Variants in RIMBP2 observed in about 807,000 individuals in gnomAD.
RIMBP2 encodes the protein RIMS binding protein 2.
In RIMBP2, 48 loss-of-function variants were observed where a neutral mutation model predicts 118.6. The ratio of observed to expected loss-of-function variants is 0.40; its 90% CI spans 0.32 to 0.51. The LOEUF is 0.51. Among genes scored for constraint, RIMBP2 ranks in the 20% least tolerant of loss-of-function variants. The pLI, the probability that RIMBP2 is intolerant of heterozygous loss-of-function variation, is 0.41. For synonymous variants in RIMBP2, 762 were observed against 742.9 expected, an observed-to-expected ratio of 1.03 and a Z score of -0.42; for missense variants, 1,551 against 1,768.3, an observed-to-expected ratio of 0.88 and a Z score of 2.20.
At chr12:130,632,313 G>A (rs984592275) in intron 1 of RIMBP2, among the ~76,000 whole-genome samples, 1 of 152,128 alleles carries the variant, frequency 6.6e-6, no homozygotes, top group African/African-American at 2.4e-5. Context: ...AAGGAATCAT[G>A]TTCTCTCAGA....
At chr12:130,426,579 C>T (rs1384297835) in intron 15 of RIMBP2, 1 of 152,188 alleles carries the variant, frequency 6.6e-6, no homozygotes, top group Non-Finnish European at 1.5e-5. Flanking sequence ...AGCCCAGCCT[C>T]CTACATGATT....
chr12:130,582,852 C>T (rs918637730), intron 2 of RIMBP2, among the ~76,000 whole-genome samples: 9 of 152,158 alleles, frequency 5.9e-5, no homozygotes, highest in African/African-American at 2.2e-4. Flanking sequence ...CATTCCAACG[C>T]CCTTAACACT....
At chr12:130,653,347 G>A (rs927726311) in intron 1 of RIMBP2, among the ~76,000 whole-genome samples, 3 of 152,238 alleles carry the variant, frequency 2.0e-5, no homozygotes, top group Admixed American at 2.0e-4. Context: ...AAACATAGCA[G>A]GGCAGTCATT....
chr12:130,514,875 T>A (rs1188431219), intron 3 of RIMBP2, among the ~76,000 whole-genome samples: 1 of 148,496 alleles, frequency 6.7e-6, no homozygotes, highest in Non-Finnish European at 1.5e-5. Flanking sequence ...GGTCAGGATA[T>A]ATTAAGACAC....
At position 130,424,374 on chromosome 12, in the gene RIMBP2, C is replaced by A; in HGVS notation, c.2897G>T (p.Arg966Leu). 8.1e-7 allele frequency: 1 copy of A among 1,232,752 alleles called. No individual in the cohort carries two copies. 76.4% of individuals were successfully genotyped at this position (1,232,752 alleles called of 1,614,324 possible). A position where few individuals can be genotyped will look rare whatever the true frequency, so the allele number is the denominator to read the frequency against. Residue 966 changes from arginine to leucine, a missense_variant, in exon 16 of 23, where the codon CGG becomes CTG. By Grantham distance (102) the Arg-to-Leu change is moderately radical (BLOSUM62 -2). Coordinates refer to ENST00000690449, the MANE Select transcript of RIMBP2 (RefSeq NM_001393629.1). This position sits in a 1 kb window ranked among gnomAD's most constrained non-coding sequence, Gnocchi z 9.8. ...AAAGTCCTCCTCCACGCTGCTCTGC[C>A]GGGTCAGCGTCCGCCGCCGGGCCAG... The part of the protein sequence containing the change: ...PLLARRRTLT[R>L]QSSVEEDFGE...
At chr12:130,512,574 T>C (rs1806564) in intron 3 of RIMBP2, among the ~76,000 whole-genome samples, 26,669 of 152,130 alleles carry the variant, frequency 0.18, 2,747 homozygotes, top group South Asian at 0.3. Flanking sequence ...CCACCCGCCT[T>C]GGCCTCCCAA....
intron 2 of RIMBP2, among the ~76,000 whole-genome samples, chr12:130,574,804 C>T (rs1470710866): frequency 1.3e-5 from 2 of 152,026 alleles, no homozygotes; most frequent in African/African-American, 2.4e-5. Context: ...GGCCGTCACC[C>T]ACTGCTTGCC....
At chr12:130,454,771 G>A (rs533514501) in intron 7 of RIMBP2, among the ~76,000 whole-genome samples, 18 of 152,294 alleles carry the variant, frequency 1.2e-4, no homozygotes, top group South Asian at 6.2e-4. Flanking sequence ...CCCTGTTCCC[G>A]CCTCCCTGTC....
At chr12:130,440,369 A>C (rs2078019827) in intron 11 of RIMBP2, among the ~76,000 whole-genome samples, 2 of 152,120 alleles carry the variant, frequency 1.3e-5, no homozygotes, top group Non-Finnish European at 2.9e-5. Context: ...GATTGTCCCA[A>C]CTACACCTTC....
intron 3 of RIMBP2, among the ~76,000 whole-genome samples, chr12:130,515,910 C>G (rs2051404828): frequency 6.6e-6 from 1 of 152,128 alleles, no homozygotes; most frequent in Non-Finnish European, 1.5e-5. Context: ...GTTAGCCAGG[C>G]TGGTCTCCAA....
intron 4 of RIMBP2, among the ~76,000 whole-genome samples, chr12:130,480,381 T>G (rs947674478): frequency 1.3e-5 from 2 of 152,064 alleles, no homozygotes; most frequent in Non-Finnish European, 2.9e-5. Context: ...CGATGGCATA[T>G]ACCCCCGATG....
At chr12:130,546,218 C>T (rs2055146629) in intron 2 of RIMBP2, among the ~76,000 whole-genome samples, 1 of 151,362 alleles carries the variant, frequency 6.6e-6, no homozygotes, top group African/African-American at 2.4e-5. Context: ...ATTCTCCTGC[C>T]TCAGCCACCC....
At chr12:130,439,194 GTGCATATA>G (rs55859812) in intron 11 of RIMBP2, among the ~76,000 whole-genome samples, 40,805 of 151,622 alleles carry the variant, frequency 0.27, 6,305 homozygotes, top group South Asian at 0.49. Flanking sequence ...TGTGTAATGT[GTGCATATA>G]TGTGTATATG....
In RIMBP2 at chr12:130,414,220, A is replaced by G; in HGVS notation, c.3325T>C (p.Phe1109Leu). 6.2e-7 allele frequency: 1 copy of G among 1,614,170 alleles called. No individual in the cohort carries two copies. Among genetic ancestry groups the G allele is most frequent in the Non-Finnish European group, 8.5e-7 (1 of 1,180,018 alleles). Residue 1109 changes from phenylalanine (F) to leucine (L), a missense_variant, in exon 18 of 23, where the codon TTT becomes CTT. By Grantham distance (22) the Phe-to-Leu change is conservative. Coordinates refer to ENST00000690449, the MANE Select transcript of RIMBP2 (RefSeq NM_001393629.1). ...PGAEELPARI[F>L]VALFDYDPLT... ...GGGTCGTAGTCAAAGAGAGCCACAAAGATCCGGGCCGGGAGCTCTTCGGCA... is the reference window on the plus strand; with the variant it reads ...GGGTCGTAGTCAAAGAGAGCCACAAGGATCCGGGCCGGGAGCTCTTCGGCA...
intron 3 of RIMBP2, 31 bp downstream of exon 3, chr12:130,517,797 C>G: frequency 9.5e-6 from 9 of 944,594 alleles, no homozygotes; most frequent in Non-Finnish European, 1.1e-5. Flanking sequence ...TCCAGGGCCC[C>G]AGATGGTCTG....
intron 1 of RIMBP2, among the ~76,000 whole-genome samples, chr12:130,638,097 A>G (rs993046384): frequency 8.5e-5 from 13 of 152,166 alleles, no homozygotes; most frequent in Non-Finnish European, 1.6e-4. Flanking sequence ...GAGTCACGAA[A>G]TTGGTGTCCA....
At chr12:130,465,748 T>G (rs1324044711) in intron 6 of RIMBP2, 1 of 152,362 alleles carries the variant, frequency 6.6e-6, no homozygotes, top group Non-Finnish European at 1.5e-5. Context: ...CTGCTACTGC[T>G]GCGCACCCAG....
At chr12:130,529,064 T>C (rs1421416838) in intron 2 of RIMBP2, among the ~76,000 whole-genome samples, 2 of 152,166 alleles carry the variant, frequency 1.3e-5, no homozygotes, top group Non-Finnish European at 2.9e-5. Context: ...GATTGATGGA[T>C]GAATGGATAA....
At chr12:130,580,901 G>T (rs113517869) in intron 2 of RIMBP2, among the ~76,000 whole-genome samples, 1 of 152,114 alleles carries the variant, frequency 6.6e-6, no homozygotes, top group South Asian at 2.1e-4. Context: ...GAAACAGCCC[G>T]GGAGACAGAG....
Sources: allele counts gnomAD v4.1 joint callset (sites outside exome capture counted in the v4.1 genomes callset), GRCh38; gene constraint gnomAD v4.1.1; non-coding constraint Gnocchi (gnomAD v3.1); transcripts MANE v1.5; gene names NCBI Gene and HGNC (gene_info 2026-07-23, HGNC 2026-07-21).